STK33: variants seen among roughly 807,000 people sequenced by gnomAD.
STK33 encodes the protein serine/threonine-protein kinase 33.
A neutral mutation model predicts 58.0 loss-of-function variants in STK33; 52 were observed. The observed-to-expected ratio is 0.90, with a 90% CI of 0.72 to 1.13. The LOEUF is 1.13. STK33 is among the 50% of genes most tolerant of loss of function. STK33 has a pLI of 0.00. For missense variants in STK33, 630 were observed against 604.2 expected (o/e 1.04, Z -0.45); for synonymous variants, 215 against 200.1 (o/e 1.07, Z -0.63).
At chr11:8,462,615 G>GAGAGAC (rs1181484193) in intron 7 of STK33, among the ~76,000 whole-genome samples, 1 of 151,578 alleles carries the variant, frequency 6.6e-6, no homozygotes, top group South Asian at 2.1e-4. Context: ...GACAGACAAA[G>GAGAGAC]AGAGACAGAG....
intron 15 of STK33, among the ~76,000 whole-genome samples, chr11:8,413,037 T>C (rs7116588): frequency 0.12 from 18,009 of 152,250 alleles, 1,245 homozygotes; most frequent in African/African-American, 0.18. Flanking sequence ...CATAGATCCA[T>C]TCCAAATTCT....
At chr11:8,559,186 C>T (rs891139273) in intron 1 of STK33, among the ~76,000 whole-genome samples, 10 of 152,164 alleles carry the variant, frequency 6.6e-5, no homozygotes, top group African/African-American at 2.4e-4. Flanking sequence ...AGTTTTTGCT[C>T]AGGAATACAG....
At chr11:8,580,087 C>CCATATGAT (rs1415452905) in intron 1 of STK33, among the ~76,000 whole-genome samples, 1 of 152,066 alleles carries the variant, frequency 6.6e-6, no homozygotes, top group African/African-American at 2.4e-5. Flanking sequence ...AACAGAGCTA[C>CCATATGAT]CATATGATCC....
chr11:8,494,545 C>T (rs1002896992), intron 1 of STK33, among the ~76,000 whole-genome samples: 14 of 152,150 alleles, frequency 9.2e-5, no homozygotes, highest in African/African-American at 3.4e-4. Context: ...GATTCAATGC[C>T]ATCCCCATGA....
chr11:8,456,981 C>T (rs1332720618), intron 9 of STK33, among the ~76,000 whole-genome samples: 3 of 151,988 alleles, frequency 2.0e-5, no homozygotes, highest in African/African-American at 7.3e-5. Context: ...TCTAAAACTG[C>T]TCTAAAATAA....
intron 5 of STK33, among the ~76,000 whole-genome samples, chr11:8,474,339 T>C (rs542870666): frequency 5.3e-5 from 8 of 152,292 alleles, no homozygotes; most frequent in Admixed American, 2.6e-4. Context: ...ACCACAACTA[T>C]AAATCTAATT....
the STK33 span, among the ~76,000 whole-genome samples, chr11:8,385,565 C>T: frequency 2.0e-5 from 3 of 152,152 alleles, no homozygotes; most frequent in Non-Finnish European, 4.4e-5. Flanking sequence ...ATAGAAATGC[C>T]TTATCTCTAA....
chr11:8,563,994 T>C (rs140725391), intron 1 of STK33, among the ~76,000 whole-genome samples: 171 of 152,268 alleles, frequency 1.1e-3, no homozygotes, highest in African/African-American at 3.9e-3. Context: ...AGGAGCAATA[T>C]CTATAGGGCC....
the STK33 span, among the ~76,000 whole-genome samples, chr11:8,386,551 T>C: frequency 1.3e-5 from 2 of 152,138 alleles, no homozygotes; most frequent in African/African-American, 4.8e-5. Flanking sequence ...TGGCAGGCAG[T>C]GGCCTGGGAG....
At position 8,405,706 on chromosome 11, in the gene STK33, C is replaced by A. The variant is rs144666256; in HGVS notation, c.1344+7789G>T. On this transcript the variant is annotated intron_variant, in intron 15 of 15. Transcript: ENST00000687296. ...TTTCGCTTTTAGATTTAGTTCTACC[C>A]TTCTCAAACTAATTTTTGTGTACAG... 2.0e-4 allele frequency among the ~76,000 whole-genome samples: 30 copies of A among 152,256 alleles called. No homozygotes were observed. In the East Asian group the frequency reaches 5.6e-3, roughly 28 times the overall value.
intron 1 of STK33, among the ~76,000 whole-genome samples, chr11:8,505,789 GGAAT>G (rs1347590143): frequency 6.6e-6 from 1 of 152,190 alleles, no homozygotes; most frequent in Non-Finnish European, 1.5e-5. Flanking sequence ...AATGAAGGAA[GGAAT>G]GAATGAATTA....
rs1403936414 is a variant in STK33 at position 8,394,135 on chromosome 11, A to G, written c.1345-1425T>C. On this transcript the variant is annotated intron_variant, in intron 15 of 15. Coordinates refer to ENST00000687296, the MANE Select transcript of STK33 (RefSeq NM_001352389.2). ...CTGGGTTATTTCTGTGTGTTCTTTT[A>G]AGAGGTAGAAAATATTTAAAATTCT... is the stretch of plus-strand genomic sequence containing the variant. Among the ~76,000 whole-genome samples the G allele has an allele frequency of 2.6e-5, 4 of 152,150 alleles. No homozygotes were observed. In the East Asian group the frequency reaches 7.7e-4, roughly 29 times the overall value.
intron 1 of STK33, chr11:8,580,891 T>TAAC (rs1478057360): frequency 6.6e-6 from 1 of 152,150 alleles, no homozygotes; most frequent in Non-Finnish European, 1.5e-5. Context: ...TAGCACTTCA[T>TAAC]CGTGGGTTAT....
intron 1 of STK33, among the ~76,000 whole-genome samples, chr11:8,522,106 C>T (rs552255223): frequency 5.9e-5 from 9 of 152,284 alleles, no homozygotes; most frequent in African/African-American, 2.2e-4. Context: ...TACCATTTGA[C>T]CCAGCCATCT....
intron 1 of STK33, among the ~76,000 whole-genome samples, chr11:8,569,340 C>T (rs1352351072): frequency 1.3e-5 from 2 of 152,120 alleles, no homozygotes; most frequent in South Asian, 2.1e-4. Flanking sequence ...TTTGACAAGG[C>T]TGGCAAAGCA....
chr11:8,510,079 T>C (rs1459087532), intron 1 of STK33, among the ~76,000 whole-genome samples: 1 of 152,106 alleles, frequency 6.6e-6, no homozygotes, highest in Non-Finnish European at 1.5e-5. Context: ...GAAATCTCTA[T>C]CTTGTTTTCC....
intron 11 of STK33, among the ~76,000 whole-genome samples, chr11:8,448,163 C>T (rs1945757462): frequency 6.6e-6 from 1 of 152,186 alleles, no homozygotes; most frequent in Admixed American, 6.5e-5. Context: ...ACATTCCATG[C>T]TCACGGGTAG....
intron 1 of STK33, among the ~76,000 whole-genome samples, chr11:8,585,718 T>C (rs916853334): frequency 6.6e-6 from 1 of 151,554 alleles, no homozygotes. Flanking sequence ...AAGACCAGCC[T>C]CAGCAACATG....
At chr11:8,372,827 T>C in the STK33 span, among the ~76,000 whole-genome samples, 5 of 152,218 alleles carry the variant, frequency 3.3e-5, no homozygotes, top group Non-Finnish European at 7.3e-5. Flanking sequence ...GCTGAGGGCG[T>C]GGCGGCCTCT....
Sources: allele counts gnomAD v4.1 joint callset (sites outside exome capture counted in the v4.1 genomes callset), GRCh38; gene constraint gnomAD v4.1.1; transcripts MANE v1.5; gene names NCBI Gene and HGNC (gene_info 2026-07-23, HGNC 2026-07-21).